Variants in UBE3A observed in about 807,000 individuals in gnomAD.
UBE3A encodes the protein ubiquitin protein ligase E3A.
A neutral mutation model predicts 83.4 loss-of-function variants in UBE3A; 6 were observed. That is an observed-to-expected ratio of 0.07 (90% CI 0.04 to 0.14). The LOEUF is 0.14. Ranked by LOEUF, UBE3A falls within the 10% of genes least tolerant of loss-of-function variation. UBE3A has a pLI of 1.00. For missense variants in UBE3A, 456 were observed against 1,036.1 expected, an observed-to-expected ratio of 0.44 and a Z score of 7.69; for synonymous variants, 337 against 355.4, an observed-to-expected ratio of 0.95 and a Z score of 0.58.
chr15:25,367,111 T>C (rs1404420121), intron 6 of UBE3A, among the ~76,000 whole-genome samples: 1 of 151,384 alleles, frequency 6.6e-6, no homozygotes, highest in African/African-American at 2.4e-5. Flanking sequence ...TTGGAAGTGC[T>C]TCATCTAAGA....
intron 4 of UBE3A, among the ~76,000 whole-genome samples, chr15:25,389,098 CA>C (rs2083728711): frequency 6.6e-6 from 1 of 151,932 alleles, no homozygotes; most frequent in Admixed American, 6.6e-5. Context: ...GTGGTACTGA[CA>C]AAAGAACTGA....
intron 11 of UBE3A, among the ~76,000 whole-genome samples, chr15:25,348,062 C>G (rs528215167): frequency 6.6e-6 from 1 of 151,594 alleles, no homozygotes; most frequent in Non-Finnish European, 1.5e-5. Flanking sequence ...CAAATGGTTA[C>G]ACTCATATCA....
At chr15:25,374,037 G>A (rs1029893109) in intron 5 of UBE3A, 1 of 152,166 alleles carries the variant, frequency 6.6e-6, no homozygotes, top group Admixed American at 6.5e-5. Flanking sequence ...TGTAATTAGT[G>A]TTAACAAACA....
In UBE3A at chr15:25,340,300, T is replaced by C; in HGVS notation, c.2355-72A>G. ...GACTGGTACTAACATAAGCTTATGA[T>C]TTGCATTAAAACTATATTAAGAGAC... On this transcript the variant is annotated intron_variant, in intron 11 of 12. Coordinates refer to ENST00000648336, the MANE Select transcript of UBE3A (RefSeq NM_130839.5). The C allele has an allele frequency of 7.9e-6, 12 of 1,519,322 alleles. No individual in the cohort carries two copies. The South Asian group carries it at 1.3e-4, about 17-fold the overall frequency. The allele number at this position is 1,519,322 out of a possible 1,614,324, so 94.1% of individuals were successfully genotyped here.
intron 4 of UBE3A, among the ~76,000 whole-genome samples, chr15:25,389,261 C>CA (rs57524621): frequency 0.95 from 138,270 of 146,234 alleles, 65,534 homozygotes; most frequent in East Asian, 1. Context: ...CATCCACATG[C>CA]AAAAAAAAAA....
chr15:25,364,793 G>A (rs1363026475), intron 6 of UBE3A, among the ~76,000 whole-genome samples: 1 of 151,934 alleles, frequency 6.6e-6, no homozygotes. Flanking sequence ...ACAGGCGCCT[G>A]CCACCGCGCC....
intron 11 of UBE3A, among the ~76,000 whole-genome samples, chr15:25,349,395 ATAAAT>A (rs1054842411): frequency 3.3e-5 from 5 of 152,338 alleles, no homozygotes; most frequent in East Asian, 1.9e-4. Context: ...AAAAGAAAAA[ATAAAT>A]TAGACCTCAA....
Position 25,398,800 on chromosome 15 carries a change from TATATATATATATATAAAA to T in UBE3A, c.62+6643_62+6660del, listed in dbSNP as rs1412164289. 1.1e-4 allele frequency among the ~76,000 whole-genome samples: 7 copies of T among 64,562 alleles called. No homozygotes were observed. In the Admixed American group the frequency reaches 1.1e-3, roughly 10 times the overall value. 42.4% of individuals were successfully genotyped at this position (64,562 alleles called of 152,430 possible). On this transcript the variant is annotated intron_variant, in intron 4 of 12. Coordinates refer to ENST00000648336, the MANE Select transcript of UBE3A (RefSeq NM_130839.5). ...ATATATATATATATATATATATATA[TATATATATATATATAAAA>T]ATACATATATATCCAAGTGTGACTG...
At chr15:25,389,864 G>C (rs956482210) in intron 4 of UBE3A, among the ~76,000 whole-genome samples, 1 of 151,958 alleles carries the variant, frequency 6.6e-6, no homozygotes. Context: ...CTGCAACCTG[G>C]GTGACAGAGC....
chr15:25,409,365 TTTTG>T (rs1204983432), intron 2 of UBE3A, 158 bp from the exon 3 acceptor site: 1 of 399,542 alleles, frequency 2.5e-6, no homozygotes, highest in Non-Finnish European at 4.5e-6. Flanking sequence ...TTTTCCAGCA[TTTTG>T]TTTTTCTTAA....
At chr15:25,401,956 T>C (rs1261203396) in intron 4 of UBE3A, among the ~76,000 whole-genome samples, 1 of 152,218 alleles carries the variant, frequency 6.6e-6, no homozygotes. Flanking sequence ...TTTTGTTGAA[T>C]TGTTTATCTG....
intron 4 of UBE3A, among the ~76,000 whole-genome samples, chr15:25,387,630 G>A (rs35793437): frequency 7.9e-5 from 12 of 152,148 alleles, no homozygotes; most frequent in Non-Finnish European, 1.2e-4. Context: ...AAAAATTAGA[G>A]CAGAAATCAA....
At chr15:25,365,591 C>T (rs1406205423) in intron 6 of UBE3A, among the ~76,000 whole-genome samples, 1 of 151,078 alleles carries the variant, frequency 6.6e-6, no homozygotes, top group Non-Finnish European at 1.5e-5. Context: ...ACTAAAAATA[C>T]AAAAAAATTA....
At chr15:25,368,842 G>A (rs1317234926) in intron 6 of UBE3A, among the ~76,000 whole-genome samples, 1 of 152,078 alleles carries the variant, frequency 6.6e-6, no homozygotes, top group African/African-American at 2.4e-5. Flanking sequence ...GGGGGACTGA[G>A]GAAAATAAGA....
intron 11 of UBE3A, among the ~76,000 whole-genome samples, chr15:25,348,937 C>T (rs930900271): frequency 7.9e-5 from 12 of 152,140 alleles, no homozygotes; most frequent in Non-Finnish European, 1.3e-4. Flanking sequence ...CAGGCTTTGC[C>T]CTTTTGTTTG....
intron 1 of UBE3A, among the ~76,000 whole-genome samples, chr15:25,414,725 T>A (rs936631921): frequency 6.6e-6 from 1 of 152,184 alleles, no homozygotes; most frequent in Admixed American, 6.5e-5. Context: ...TACCAATTCA[T>A]CCTTAGAAAT....
chr15:25,399,522 T>C (rs1337223340), intron 4 of UBE3A, among the ~76,000 whole-genome samples: 1 of 152,158 alleles, frequency 6.6e-6, no homozygotes, highest in Non-Finnish European at 1.5e-5. Context: ...CACGAATTTA[T>C]TTCTGTGCTC....
intron 11 of UBE3A, chr15:25,345,840 T>C (rs2075602862): frequency 1.3e-5 from 2 of 151,686 alleles, no homozygotes; most frequent in African/African-American, 2.4e-5. Context: ...AAGGAGTAAT[T>C]AGAAATGCAA....
At chr15:25,376,643 AAAAC>A (rs560457472) in intron 4 of UBE3A, among the ~76,000 whole-genome samples, 58 of 152,276 alleles carry the variant, frequency 3.8e-4, no homozygotes, top group Admixed American at 1.2e-3. Context: ...CTTTGTCTCA[AAAAC>A]AAACAAACAA....
Sources: allele counts gnomAD v4.1 joint callset (sites outside exome capture counted in the v4.1 genomes callset), GRCh38; gene constraint gnomAD v4.1.1; transcripts MANE v1.5; gene names NCBI Gene and HGNC (gene_info 2026-07-23, HGNC 2026-07-21).